The following HEXB variants were observed in gnomAD, a reference collection of about 807,000 sequenced individuals.
HEXB encodes beta-hexosaminidase subunit beta.
Under a neutral mutation model 71.2 loss-of-function variants are expected in HEXB, and 51 were observed. That is an observed-to-expected ratio of 0.72 (90% CI 0.57 to 0.90). The LOEUF is 0.90. Among genes scored for constraint, HEXB ranks in the 40% least tolerant of loss-of-function variants. The probability of loss-of-function intolerance (pLI) is 0.00; values close to 1 mark genes in which losing one functional copy is unlikely to be tolerated. For synonymous variants in HEXB, 266 were observed against 249.3 expected (o/e 1.07, Z -0.63); for missense variants, 617 against 677.0 (o/e 0.91, Z 0.98).
intron 1 of HEXB, among the ~76,000 whole-genome samples, chr5:74,642,492 T>C (rs1403155215): frequency 2.0e-5 from 3 of 152,256 alleles, no homozygotes; most frequent in East Asian, 1.9e-4. Flanking sequence ...ATTGCACATA[T>C]GTCTTTTTAA....
At chr5:74,685,689 G>A in intron 1 of HEXB, 130 bp downstream of exon 1, 1 of 783,990 alleles carries the variant, frequency 1.3e-6, no homozygotes, top group Non-Finnish European at 2.0e-6. Context: ...CAGGCGATCT[G>A]CCCAGCGCCA....
chr5:74,702,305 C>G (rs992532216), intron 5 of HEXB, among the ~76,000 whole-genome samples: 1 of 151,662 alleles, frequency 6.6e-6, no homozygotes, highest in African/African-American at 2.4e-5. Flanking sequence ...GTCTCGATCT[C>G]CTGACCTCGT....
chr5:74,695,511 C>T (rs1749093590), intron 3 of HEXB, among the ~76,000 whole-genome samples: 1 of 149,974 alleles, frequency 6.7e-6, no homozygotes, highest in African/African-American at 2.4e-5. Flanking sequence ...CCAAGAGACG[C>T]TTATTGATGT....
rs201580118 is a variant in HEXB at position 74,720,617 on chromosome 5, G to A, written c.1509-26G>A. 3.8e-5 allele frequency: 61 copies of A among 1,602,706 alleles called. No individual in the cohort carries two copies. Among genetic ancestry groups the A allele is most frequent in the Non-Finnish European group, 4.6e-5 (54 of 1,169,716 alleles). The stretch of plus-strand genomic sequence containing the variant: ...CTAAACATAAATTTAAACTGCTTGC[G>A]GGGGGATGTGTGATTTAAATTTTAG... On this transcript the variant is annotated intron_variant, in intron 12 of 13. Transcript: ENST00000261416.
At position 74,685,434 on chromosome 5, in the gene HEXB, C is replaced by T. The variant is rs769964813; in HGVS notation, c.174C>T (p.Pro58=). 2.1e-5 allele frequency: 33 copies of T among 1,608,124 alleles called. No individual in the cohort carries two copies. Among genetic ancestry groups the T allele is most frequent in the Non-Finnish European group, 2.7e-5 (32 of 1,178,026 alleles). The change falls in exon 1 of 14, where the codon CCC becomes CCT. Residue 58 remains proline (P), a synonymous_variant. Coordinates refer to ENST00000261416, the MANE Select transcript of HEXB (RefSeq NM_000521.4). The stretch of plus-strand genomic sequence containing the variant: ...CCAAGCCGGGGCCGGCGCTGTGGCC[C>T]CTGCCGCTCTTGGTGAAGATGACCC... ...VSAKPGPALW[P]LPLLVKMTPN... is the part of the protein sequence containing the mutation.
chr5:74,647,127 G>A (rs1748016607), intron 1 of HEXB, among the ~76,000 whole-genome samples: 1 of 152,082 alleles, frequency 6.6e-6, no homozygotes, highest in African/African-American at 2.4e-5. Flanking sequence ...CACAACCCAG[G>A]GGAATCCTGA....
At chr5:74,687,018 A>C (rs990292812) in intron 1 of HEXB, among the ~76,000 whole-genome samples, 1 of 152,228 alleles carries the variant, frequency 6.6e-6, no homozygotes, top group African/African-American at 2.4e-5. Flanking sequence ...GATAACCAGG[A>C]CTTAAATCAG....
At chr5:74,703,289 G>A (rs1749305509) in intron 5 of HEXB, among the ~76,000 whole-genome samples, 1 of 152,128 alleles carries the variant, frequency 6.6e-6, no homozygotes, top group Non-Finnish European at 1.5e-5. Context: ...TCCCAGCTTT[G>A]GTCACTGGAA....
upstream of HEXB, among the ~76,000 whole-genome samples, chr5:74,683,883 T>A (rs1466206246): frequency 6.6e-6 from 1 of 150,942 alleles, no homozygotes; most frequent in Admixed American, 6.6e-5. Flanking sequence ...TGCAGAGGTG[T>A]GATCTCAGCT....
intron 1 of HEXB, among the ~76,000 whole-genome samples, chr5:74,671,777 T>C (rs1440053515): frequency 6.6e-6 from 1 of 152,132 alleles, no homozygotes; most frequent in Non-Finnish European, 1.5e-5. Context: ...ACTCAAACAC[T>C]GATATTTTTT....
intron 5 of HEXB, among the ~76,000 whole-genome samples, chr5:74,700,415 T>A (rs1417887826): frequency 6.6e-6 from 1 of 152,006 alleles, no homozygotes; most frequent in Non-Finnish European, 1.5e-5. Flanking sequence ...ACTGATACTT[T>A]TATATTTGCT....
chr5:74,699,054 G>A (rs1389678385), intron 5 of HEXB, among the ~76,000 whole-genome samples: 1 of 151,908 alleles, frequency 6.6e-6, no homozygotes, highest in East Asian at 2.0e-4. Context: ...GCGTGGTGGT[G>A]CACGCCTGTA....
chr5:74,712,287 G>T (rs549281182), intron 6 of HEXB, among the ~76,000 whole-genome samples: 3 of 139,902 alleles, frequency 2.1e-5, no homozygotes, highest in South Asian at 5.0e-4. Context: ...GTTGTGGGGT[G>T]GGGGAGGGGG....
At chr5:74,683,948 G>A (rs1748789410), upstream of HEXB, among the ~76,000 whole-genome samples, 1 of 151,440 alleles carries the variant, frequency 6.6e-6, no homozygotes, top group African/African-American at 2.4e-5. Context: ...AGGCTCCTGA[G>A]TAGCTGGGAT....
At chr5:74,658,426 G>A (rs562660977) in intron 1 of HEXB, among the ~76,000 whole-genome samples, 1 of 152,292 alleles carries the variant, frequency 6.6e-6, no homozygotes, top group East Asian at 1.9e-4. Flanking sequence ...TTAGGGCAGG[G>A]CCTGGACCCA....
At chr5:74,640,134 G>A (rs1381865832) in exon 1 of HEXB, 2 of 151,880 alleles carry the variant, frequency 1.3e-5, no homozygotes, top group Non-Finnish European at 2.9e-5. Flanking sequence ...TGCTGTGGGA[G>A]GGCAGCGGCG....
chr5:74,663,364 T>C (rs925015006), intron 1 of HEXB, among the ~76,000 whole-genome samples: 6 of 152,250 alleles, frequency 3.9e-5, no homozygotes, highest in African/African-American at 1.2e-4. Context: ...CTAATTTTTG[T>C]ATTTTTAGTA....
intron 1 of HEXB, among the ~76,000 whole-genome samples, chr5:74,659,850 T>C (rs1748287347): frequency 6.6e-6 from 1 of 152,204 alleles, no homozygotes; most frequent in Non-Finnish European, 1.5e-5. Flanking sequence ...CTTTGCTAAA[T>C]ATCTGAAATT....
intron 7 of HEXB, among the ~76,000 whole-genome samples, chr5:74,714,115 G>A (rs1462160351): frequency 4.6e-5 from 7 of 152,318 alleles, no homozygotes; most frequent in African/African-American, 1.2e-4. Flanking sequence ...GATTATAGGC[G>A]TGAGCCACTG....
Sources: gnomAD v4.1 joint callset for allele counts (sites outside exome capture counted in the v4.1 genomes callset) on GRCh38, gnomAD v4.1.1 for gene constraint, MANE v1.5 for transcripts, NCBI Gene and HGNC (gene_info 2026-07-23, HGNC 2026-07-21) for gene names.